KLF12: variants seen among roughly 807,000 people sequenced by gnomAD.
KLF12 encodes KLF transcription factor 12, also known as Krueppel-like factor 12.
KLF12 carries 9 observed loss-of-function variants against 37.8 expected under a neutral mutation model. The observed-to-expected ratio is 0.24, with a 90% confidence interval of 0.14 to 0.42. The LOEUF (loss-of-function observed/expected upper bound fraction) is 0.42, where lower values mean the gene tolerates loss of function less well. Among genes scored for constraint, KLF12 ranks in the 10% least tolerant of loss-of-function variants. The probability of loss-of-function intolerance (pLI) is 1.00; values close to 1 mark genes in which losing one functional copy is unlikely to be tolerated. For synonymous variants in KLF12, 208 were observed against 202.1 expected (o/e 1.03, Z -0.25); for missense variants, 411 against 516.0 (o/e 0.80, Z 1.97).
At chr13:73,753,774 G>A (rs1452771172) in intron 6 of KLF12, among the ~76,000 whole-genome samples, 1 of 152,208 alleles carries the variant, frequency 6.6e-6, no homozygotes, top group Admixed American at 6.5e-5. Context: ...TACAGGCTAG[G>A]AGAAAATAAA....
At chr13:73,859,610 T>C (rs758432920) in intron 3 of KLF12, among the ~76,000 whole-genome samples, 1 of 152,196 alleles carries the variant, frequency 6.6e-6, no homozygotes, top group South Asian at 2.1e-4. Context: ...ATAAATTTAA[T>C]GGCATGATGC....
chr13:74,110,558 C>A (rs895953768), intron 1 of KLF12, among the ~76,000 whole-genome samples: 2 of 152,102 alleles, frequency 1.3e-5, no homozygotes, highest in South Asian at 4.1e-4. Flanking sequence ...TTTTCTGTAA[C>A]CCTCCCAACA....
At chr13:74,086,374 T>G (rs1162307971) in intron 1 of KLF12, among the ~76,000 whole-genome samples, 1 of 150,234 alleles carries the variant, frequency 6.7e-6, no homozygotes, top group Non-Finnish European at 1.5e-5. Flanking sequence ...CGGTGTTTGG[T>G]TTTTTGTCCT....
At chr13:73,958,820 C>T (rs989745378) in intron 2 of KLF12, among the ~76,000 whole-genome samples, 12 of 152,024 alleles carry the variant, frequency 7.9e-5, no homozygotes, top group Admixed American at 3.3e-4. Flanking sequence ...CTTTATCACC[C>T]AGAAGCTAGA....
chr13:74,109,879 A>T (rs893798414), intron 1 of KLF12, among the ~76,000 whole-genome samples: 5 of 152,320 alleles, frequency 3.3e-5, no homozygotes, highest in Admixed American at 3.3e-4. Context: ...AGCTTTTAAT[A>T]AACTGGCAGT....
chr13:73,924,173 C>T (rs1160150914), intron 3 of KLF12, among the ~76,000 whole-genome samples: 4 of 152,132 alleles, frequency 2.6e-5, no homozygotes, highest in Non-Finnish European at 5.9e-5. Flanking sequence ...AAGTACATAA[C>T]GAAGTATATT....
At chr13:74,141,520 A>T in the KLF12 span, among the ~76,000 whole-genome samples, 1 of 152,206 alleles carries the variant, frequency 6.6e-6, no homozygotes, top group Non-Finnish European at 1.5e-5. Flanking sequence ...CCAGTTAAAG[A>T]TACATATTTT....
intron 1 of KLF12, among the ~76,000 whole-genome samples, chr13:74,028,773 G>T (rs1893039234): frequency 6.6e-6 from 1 of 151,852 alleles, no homozygotes; most frequent in African/African-American, 2.4e-5. Context: ...GTAAGAGAAG[G>T]AAGACAAGGG....
chr13:73,896,673 C>G (rs1193368914), intron 3 of KLF12, among the ~76,000 whole-genome samples: 2 of 152,144 alleles, frequency 1.3e-5, no homozygotes, highest in South Asian at 2.1e-4. Context: ...AATCTAGGCT[C>G]TCTTCAGAAT....
intron 3 of KLF12, among the ~76,000 whole-genome samples, chr13:73,902,839 T>C (rs1404312754): frequency 3.3e-5 from 5 of 152,322 alleles, no homozygotes; most frequent in Non-Finnish European, 5.9e-5. Flanking sequence ...AATAAGATGA[T>C]TGTAACTAGG....
chr13:73,695,518 A>G lies in KLF12; in HGVS notation c.1181T>C (p.Leu394Pro). ...CACCAACATATGCCTCCGGCGGTGCAGGGCCAAATGATCTGACCGGGAAAA... is the reference window on the plus strand; with the variant it reads ...CACCAACATATGCCTCCGGCGGTGCGGGGCCAAATGATCTGACCGGGAAAA... The change falls in exon 8 of 8, where the codon CTG (leucine) becomes CCG (proline). Residue 394 changes from leucine (L) to proline (P), a missense_variant. Around this residue, in one of 2 missense-constraint regions of KLF12, gnomAD observed 60 missense variants for 118.2 expected, o/e 0.51. Transcript: ENST00000377669. 6.2e-7 allele frequency: 1 copy of G among 1,614,020 alleles called. No homozygotes were observed.
chr13:74,279,501 T>C, the KLF12 span, among the ~76,000 whole-genome samples: 13 of 139,788 alleles, frequency 9.3e-5, no homozygotes, highest in Non-Finnish European at 1.8e-4. Context: ...TGGTTTGAAA[T>C]AAACAGAAAT....
intron 4 of KLF12, among the ~76,000 whole-genome samples, chr13:73,814,941 C>G (rs1594123250): frequency 6.6e-6 from 1 of 151,892 alleles, no homozygotes; most frequent in Non-Finnish European, 1.5e-5. Flanking sequence ...AAACGTGTCA[C>G]AGTTTATGAC....
chr13:74,047,401 C>T (rs551249887), intron 1 of KLF12, among the ~76,000 whole-genome samples: 3 of 150,880 alleles, frequency 2.0e-5, no homozygotes, highest in African/African-American at 7.3e-5. Context: ...AGCATCCTGG[C>T]TAACACGGCG....
the KLF12 span, among the ~76,000 whole-genome samples, chr13:74,164,744 C>A: frequency 6.6e-6 from 1 of 152,080 alleles, no homozygotes; most frequent in Non-Finnish European, 1.5e-5. Context: ...ATAGCCTCAG[C>A]AATAAAATGG....
the KLF12 span, among the ~76,000 whole-genome samples, chr13:74,249,583 A>G: frequency 2.0e-5 from 3 of 152,162 alleles, no homozygotes; most frequent in Non-Finnish European, 4.4e-5. Flanking sequence ...GAGTTGGGGA[A>G]AAATGACAAG....
At chr13:74,216,638 G>C in the KLF12 span, among the ~76,000 whole-genome samples, 4 of 152,148 alleles carry the variant, frequency 2.6e-5, no homozygotes, top group Non-Finnish European at 4.4e-5. Flanking sequence ...ATATGAAAAG[G>C]AGTGACTGAA....
chr13:74,209,975 T>C, the KLF12 span, among the ~76,000 whole-genome samples: 13,714 of 152,234 alleles, frequency 0.09, 1,799 homozygotes, highest in African/African-American at 0.29. Flanking sequence ...TCTTAAAAGA[T>C]GCCCAAAGTC....
At chr13:73,936,400 G>A (rs1317157429) in intron 3 of KLF12, among the ~76,000 whole-genome samples, 1 of 152,080 alleles carries the variant, frequency 6.6e-6, no homozygotes, top group African/African-American at 2.4e-5. Flanking sequence ...ATATGAAGAG[G>A]TCTCTCCACC....
Sources: gnomAD v4.1 joint callset for allele counts (sites outside exome capture counted in the v4.1 genomes callset) on GRCh38, gnomAD v4.1.1 for gene constraint, gnomAD v4.1.1 regional missense constraint, MANE v1.5 for transcripts, NCBI Gene and HGNC (gene_info 2026-07-23, HGNC 2026-07-21) for gene names.